Variants in RORB observed in about 807,000 individuals in gnomAD.
RORB encodes the protein nuclear receptor ROR-beta.
RORB carries 6 observed loss-of-function variants against 59.1 expected under a neutral mutation model. The observed-to-expected ratio is 0.10, with a 90% CI of 0.06 to 0.20. The LOEUF (loss-of-function observed/expected upper bound fraction) is 0.20. Ranked by LOEUF, RORB falls within the 10% of genes least tolerant of loss-of-function variation. The probability of loss-of-function intolerance (pLI) is 1.00; values close to 1 mark genes in which losing one functional copy is unlikely to be tolerated. For missense variants in RORB, 320 were observed against 560.5 expected (o/e 0.57, Z 4.33); for synonymous variants, 215 against 204.5 (o/e 1.05, Z -0.44).
At chr9:74,606,555 A>C (rs1823152532) in intron 1 of RORB, among the ~76,000 whole-genome samples, 1 of 152,208 alleles carries the variant, frequency 6.6e-6, no homozygotes, top group Admixed American at 6.5e-5. Context: ...CCTTCTACAA[A>C]CACAAACTTG....
intron 4 of RORB, among the ~76,000 whole-genome samples, chr9:74,657,241 A>G (rs1013647621): frequency 2.6e-5 from 4 of 151,366 alleles, no homozygotes; most frequent in African/African-American, 9.7e-5. Flanking sequence ...TATTTATTGT[A>G]TTTTTAGTAG....
chr9:74,585,684 C>G (rs796962754), intron 1 of RORB, among the ~76,000 whole-genome samples: 1 of 152,122 alleles, frequency 6.6e-6, no homozygotes, highest in South Asian at 2.1e-4. Flanking sequence ...AAAAGCTATT[C>G]ACATGGTTTG....
intron 1 of RORB, among the ~76,000 whole-genome samples, chr9:74,588,299 C>A (rs1216619306): frequency 7.2e-5 from 11 of 152,092 alleles, no homozygotes; most frequent in African/African-American, 2.7e-4. Flanking sequence ...CTCTAATATT[C>A]TTTAACTATA....
At chr9:74,640,433 CTG>C (rs71368671) in intron 3 of RORB, among the ~76,000 whole-genome samples, 111 of 148,328 alleles carry the variant, frequency 7.5e-4, no homozygotes, top group African/African-American at 1.8e-3. Flanking sequence ...TCGGCTAATT[CTG>C]TGTGTGTGTG....
At position 74,689,476 on chromosome 9, in the gene RORB, G is replaced by GAATTTCCCT; in HGVS notation, c.*3859_*3867dup. 6.6e-6 allele frequency: 1 copy of GAATTTCCCT among 152,300 alleles called. No individual in the cohort carries two copies. Among genetic ancestry groups the GAATTTCCCT allele is most frequent in the South Asian group, 2.1e-4 (1 of 4,820 alleles). 9.4% of individuals were successfully genotyped at this position (152,300 alleles called of 1,614,324 possible). A position where few individuals can be genotyped will look rare whatever the true frequency, so the allele number is the denominator to read the frequency against. ...TGTTCTCCACAAACATACCCTTTCT[G>GAATTTCCCT]AATTTCCCTTGTTTTAGCACTGTGT... On this transcript the variant is annotated 3_prime_UTR_variant, in exon 10 of 10. Coordinates refer to ENST00000376896, the MANE Select transcript of RORB (RefSeq NM_006914.4).
At chr9:74,548,286 T>C (rs1227752624) in intron 1 of RORB, among the ~76,000 whole-genome samples, 2 of 152,202 alleles carry the variant, frequency 1.3e-5, no homozygotes, top group Non-Finnish European at 2.9e-5. Flanking sequence ...TTTTTTTCAT[T>C]GAGTGGCATT....
intron 1 of RORB, among the ~76,000 whole-genome samples, chr9:74,545,117 C>T (rs1320966224): frequency 2.1e-5 from 3 of 144,720 alleles, no homozygotes; most frequent in Admixed American, 6.9e-5. Flanking sequence ...TTTTTTGCGG[C>T]GCTTATTGGG....
intron 1 of RORB, among the ~76,000 whole-genome samples, chr9:74,530,067 T>C (rs541776459): frequency 6.6e-6 from 1 of 152,050 alleles, no homozygotes; most frequent in African/African-American, 2.4e-5. Context: ...TTCATGTTTC[T>C]TCTGAAAATT....
intron 1 of RORB, among the ~76,000 whole-genome samples, chr9:74,610,251 TTAG>T (rs950988566): frequency 3.9e-5 from 6 of 152,224 alleles, no homozygotes. Context: ...TCGTGCTAAA[TTAG>T]TCTGATGTAA....
chr9:74,505,229 G>A (rs1825854362), intron 1 of RORB, among the ~76,000 whole-genome samples: 1 of 151,966 alleles, frequency 6.6e-6, no homozygotes, highest in African/African-American at 2.4e-5. Flanking sequence ...AAATACAAAT[G>A]TCTCTCCTTA....
intron 1 of RORB, among the ~76,000 whole-genome samples, chr9:74,509,195 C>G (rs1321030290): frequency 1.3e-5 from 2 of 151,852 alleles, no homozygotes; most frequent in African/African-American, 4.8e-5. Context: ...ATGGCATTTA[C>G]CAATCTCAGG....
intron 1 of RORB, among the ~76,000 whole-genome samples, chr9:74,517,944 T>G (rs574475134): frequency 4.2e-4 from 64 of 152,124 alleles, no homozygotes; most frequent in African/African-American, 1.5e-3. Flanking sequence ...AGTATTTTTA[T>G]CCCCATGTCA....
intron 1 of RORB, among the ~76,000 whole-genome samples, chr9:74,513,452 T>C (rs1050562378): frequency 6.6e-6 from 1 of 152,106 alleles, no homozygotes; most frequent in Non-Finnish European, 1.5e-5. Context: ...CTAATAAATA[T>C]AACATTTGTA....
intron 1 of RORB, among the ~76,000 whole-genome samples, chr9:74,564,050 C>T (rs113395270): frequency 3.3e-5 from 5 of 152,126 alleles, no homozygotes; most frequent in African/African-American, 1.2e-4. Context: ...TTCTCTTCTT[C>T]GACACATATC....
At chr9:74,668,491 T>C (rs967817185) in intron 8 of RORB, among the ~76,000 whole-genome samples, 1 of 152,168 alleles carries the variant, frequency 6.6e-6, no homozygotes. Flanking sequence ...GCATGTAACT[T>C]CTGACTCCGA....
chr9:74,635,355 G>A (rs1823683906), intron 3 of RORB, among the ~76,000 whole-genome samples: 1 of 152,154 alleles, frequency 6.6e-6, no homozygotes, highest in Non-Finnish European at 1.5e-5. Context: ...GTCTTCCTCA[G>A]AATGTCATAC....
intron 1 of RORB, among the ~76,000 whole-genome samples, chr9:74,522,592 A>G (rs1272731893): frequency 6.6e-6 from 1 of 151,844 alleles, no homozygotes; most frequent in African/African-American, 2.4e-5. Flanking sequence ...GTAAAGCCCA[A>G]TTCTTTGATT....
In RORB at chr9:74,629,613, T is replaced by A. The variant is rs188148594; in HGVS notation, c.8-669T>A. 2.5e-3 allele frequency among the ~76,000 whole-genome samples: 381 copies of A among 152,298 alleles called. 1 individual carries two copies. Among genetic ancestry groups the A allele is most frequent in the African/African-American group, 8.7e-3 (362 of 41,562 alleles). The stretch of plus-strand genomic sequence containing the variant: ...TCCAATGAAACTATTTCAGTTTGTA[T>A]TGAATTCATATTTGGTACCCTCATA... On this transcript the variant is annotated intron_variant, in intron 1 of 9. Transcript: ENST00000376896.
intron 1 of RORB, among the ~76,000 whole-genome samples, chr9:74,503,534 T>C (rs1172148489): frequency 6.6e-6 from 1 of 152,024 alleles, no homozygotes; most frequent in Non-Finnish European, 1.5e-5. Flanking sequence ...CACGTGGTAC[T>C]AGAGTCGCAT....
Sources: allele counts gnomAD v4.1 joint callset (sites outside exome capture counted in the v4.1 genomes callset), GRCh38; gene constraint gnomAD v4.1.1; transcripts MANE v1.5; gene names NCBI Gene and HGNC (gene_info 2026-07-23, HGNC 2026-07-21).